The following POGLUT3 variants were observed in gnomAD, a reference collection of about 807,000 sequenced individuals.
POGLUT3 encodes the protein KDEL (Lys-Asp-Glu-Leu) containing 2.
POGLUT3 carries 48 observed loss-of-function variants against 54.3 expected under a neutral mutation model. The ratio of observed to expected loss-of-function variants is 0.88; its 90% CI spans 0.70 to 1.12. POGLUT3 has a LOEUF of 1.12. POGLUT3 is among the 50% of genes most tolerant of loss of function. The pLI is 0.00. For missense variants in POGLUT3, 629 were observed against 618.7 expected (o/e 1.02, Z -0.18); for synonymous variants, 218 against 237.4 (o/e 0.92, Z 0.75).
intron 1 of POGLUT3, among the ~76,000 whole-genome samples, chr11:108,496,449 T>C (rs2093622353): frequency 6.6e-6 from 1 of 152,248 alleles, no homozygotes; most frequent in African/African-American, 2.4e-5. Flanking sequence ...GGGTTTGTTA[T>C]ATGTCCATGG....
chr11:108,495,526 A>G (rs1432347529), intron 1 of POGLUT3, among the ~76,000 whole-genome samples: 2 of 152,182 alleles, frequency 1.3e-5, no homozygotes, highest in Non-Finnish European at 2.9e-5. Flanking sequence ...TTGGTGGCAG[A>G]AATGTAAGAA....
chr11:108,496,228 A>G (rs1565752722), intron 1 of POGLUT3, among the ~76,000 whole-genome samples: 1 of 151,970 alleles, frequency 6.6e-6, no homozygotes, highest in African/African-American at 2.4e-5. Context: ...GACTGAGGCA[A>G]GAGGATCCCT....
intron 1 of POGLUT3, among the ~76,000 whole-genome samples, chr11:108,491,709 C>T (rs922579676): frequency 3.3e-5 from 5 of 152,090 alleles, no homozygotes; most frequent in African/African-American, 7.2e-5. Context: ...ATTCAAACCA[C>T]GGATCAGACT....
chr11:108,477,624 A>G lies in POGLUT3; in HGVS notation c.1381T>C (p.Tyr461His). Residue 461 changes from tyrosine (Y) to histidine (H), a missense_variant, in exon 7 of 8, where the codon TAT (tyrosine) becomes CAT (histidine). By Grantham distance (83) the Tyr-to-His change is moderately conservative. Transcript: ENST00000323468. ...LLQPHRLYCY[Y>H]YQVLQKYAER... ...GAACTGACCTGCAGTACTTGGTAATAGTAGCAGTAAAGCCTGTGTGGCTGT... is the reference window on the plus strand; with the variant it reads ...GAACTGACCTGCAGTACTTGGTAATGGTAGCAGTAAAGCCTGTGTGGCTGT... 1.2e-6 allele frequency: 2 copies of G among 1,609,248 alleles called. No individual in the cohort carries two copies. Among genetic ancestry groups the G allele is most frequent in the Non-Finnish European group, 8.5e-7 (1 of 1,175,664 alleles).
In POGLUT3 at chr11:108,491,020, T is replaced by C; in HGVS notation, c.350A>G (p.Glu117Gly). ...YETVDEGLKI[E>G]VLYGDEHVAQ... ...CACATGTTCATCACCATAAAGGACCTCTATCTTCAGGCCTTCATCGACAGT... is the reference window on the plus strand; with the variant it reads ...CACATGTTCATCACCATAAAGGACCCCTATCTTCAGGCCTTCATCGACAGT... The change falls in exon 2 of 8, where the codon GAG becomes GGG. Residue 117 changes from glutamate (E) to glycine (G), a missense_variant. Physicochemically the swap from Glu to Gly is moderately conservative, Grantham distance 98 (BLOSUM62 -2). Coordinates refer to ENST00000323468, the MANE Select transcript of POGLUT3 (RefSeq NM_153705.5). 1 of 1,614,022 alleles carries C rather than the reference T, an allele frequency of 6.2e-7. No homozygotes were observed. The highest frequency in any genetic ancestry group is 8.5e-7 in the Non-Finnish European group (1 of 1,179,902).
At chr11:108,497,761 G>A (rs1028515473) in intron 1 of POGLUT3, among the ~76,000 whole-genome samples, 7 of 152,312 alleles carry the variant, frequency 4.6e-5, no homozygotes, top group African/African-American at 1.4e-4. Context: ...CCAGGCCTAA[G>A]CCATGTAATC....
chr11:108,482,328 T>C (rs1313928939), intron 3 of POGLUT3, 106 bp from the exon 4 acceptor site: 6 of 720,400 alleles, frequency 8.3e-6, no homozygotes, highest in East Asian at 2.7e-5. Context: ...GGGCTAACCA[T>C]TCAAAAACAG....
chr11:108,477,824 G>T, intron 6 of POGLUT3, 113 bp from the exon 7 acceptor site: 1 of 728,076 alleles, frequency 1.4e-6, no homozygotes, highest in South Asian at 1.5e-5. Flanking sequence ...GCATGGGAAA[G>T]CCAGAACATA....
intron 7 of POGLUT3, 42 bp from the exon 8 acceptor site, chr11:108,474,994 C>T (rs768724919): frequency 4.4e-6 from 7 of 1,605,860 alleles, no homozygotes; most frequent in Non-Finnish European, 6.0e-6. Context: ...TTAGTTCACA[C>T]TGCATTCTGT....
chr11:108,492,660 T>C (rs1417314950), intron 1 of POGLUT3, among the ~76,000 whole-genome samples: 4 of 152,210 alleles, frequency 2.6e-5, no homozygotes, highest in Non-Finnish European at 4.4e-5. Flanking sequence ...CAATGTGGTA[T>C]CTGACATCTT....
chr11:108,477,770 GGGTTAAGTGTGA>G, intron 6 of POGLUT3, 59 bp from the exon 7 acceptor site: 7 of 1,099,030 alleles, frequency 6.4e-6, no homozygotes, highest in Non-Finnish European at 9.8e-6. Flanking sequence ...CACAAAGAGA[GGGTTAAGTGTGA>G]GGTGGGACAG....
intron 3 of POGLUT3, among the ~76,000 whole-genome samples, chr11:108,485,355 G>A (rs1436970940): frequency 6.6e-6 from 1 of 152,090 alleles, no homozygotes; most frequent in African/African-American, 2.4e-5. Flanking sequence ...CTCTTGACAT[G>A]GTTGTGCATG....
chr11:108,481,421 AT>A, intron 4 of POGLUT3, 45 bp from the exon 5 acceptor site: 1 of 1,451,396 alleles, frequency 6.9e-7, no homozygotes, highest in Non-Finnish European at 9.3e-7. Context: ...TGAATTTGAC[AT>A]TTTAATATGG....
At chr11:108,476,312 T>C (rs1382658222) in intron 7 of POGLUT3, among the ~76,000 whole-genome samples, 1 of 152,128 alleles carries the variant, frequency 6.6e-6, no homozygotes, top group Non-Finnish European at 1.5e-5. Flanking sequence ...TTTGTATTTT[T>C]AGTAGAGACG....
intron 2 of POGLUT3, 121 bp downstream of exon 2, chr11:108,490,849 G>T: frequency 5.1e-6 from 3 of 592,262 alleles, no homozygotes; most frequent in South Asian, 2.8e-5. Flanking sequence ...TGAGCTCCAG[G>T]AGGTATGTAT....
At position 108,479,442 on chromosome 11, in the gene POGLUT3, A is replaced by C. The variant is rs760466954; in HGVS notation, c.1152T>G (p.Tyr384Ter). 1 of 1,612,646 alleles carries C rather than the reference A, an allele frequency of 6.2e-7. No individual in the cohort carries two copies. Among genetic ancestry groups the C allele is most frequent in the Non-Finnish European group, 8.5e-7 (1 of 1,179,862 alleles). Residue 384 changes from tyrosine (Y) to a stop codon, truncating the protein, a stop_gained, in exon 6 of 8, where the codon TAT (tyrosine) becomes TAG (stop). Transcript: ENST00000323468. LOFTEE classifies it high-confidence loss of function. ...AAACCAGACTGTCGCCCAGCATGAG[A>C]TATGGATATCTGTAAGCAGCCACGG... ...DGTVAAYRYPYLMLGDSLVLK... is the reference protein window; with the variant it reads ...DGTVAAYRYP
intron 2 of POGLUT3, among the ~76,000 whole-genome samples, chr11:108,488,030 T>G (rs2093606874): frequency 6.6e-6 from 1 of 151,962 alleles, no homozygotes. Context: ...TTGTTTTTGT[T>G]GTTGTTTTTT....
chr11:108,481,886 TGGTCA>T, intron 4 of POGLUT3, 115 bp downstream of exon 4: 1 of 716,082 alleles, frequency 1.4e-6, no homozygotes, highest in African/African-American at 1.8e-5. Context: ...ATCCCTAGGT[TGGTCA>T]GAATTTTCAG....
At chr11:108,480,516 A>G (rs1452125673) in intron 5 of POGLUT3, among the ~76,000 whole-genome samples, 1 of 152,206 alleles carries the variant, frequency 6.6e-6, no homozygotes, top group East Asian at 1.9e-4. Flanking sequence ...TCTGAGTCCA[A>G]ATCCCCTGTT....
Sources: allele counts gnomAD v4.1 joint callset (sites outside exome capture counted in the v4.1 genomes callset), GRCh38; gene constraint gnomAD v4.1.1; transcripts MANE v1.5; gene names NCBI Gene and HGNC (gene_info 2026-07-23, HGNC 2026-07-21).